The following SGCZ variants were observed in gnomAD, a reference collection of about 807,000 sequenced individuals.
SGCZ encodes the protein zeta-sarcoglycan.
Under a neutral mutation model 41.3 loss-of-function variants are expected in SGCZ, and 40 were observed. The ratio of observed to expected loss-of-function variants is 0.97; its 90% CI spans 0.75 to 1.26. The LOEUF (loss-of-function observed/expected upper bound fraction) is 1.26, where lower values mean the gene tolerates loss of function less well. Ranked by LOEUF, SGCZ falls within the 50% of genes most tolerant of loss-of-function variation. The probability of loss-of-function intolerance (pLI) is 0.00; values close to 1 mark genes in which losing one functional copy is unlikely to be tolerated. For missense variants in SGCZ, 552 were observed against 369.8 expected (o/e 1.49, Z -4.04); for synonymous variants, 206 against 137.5 (o/e 1.50, Z -3.49).
intron 3 of SGCZ, among the ~76,000 whole-genome samples, chr8:14,318,857 A>G (rs1440430111): frequency 6.6e-6 from 1 of 151,930 alleles, no homozygotes; most frequent in African/African-American, 2.4e-5. Flanking sequence ...TTTTAATAAA[A>G]CCAAACTCAT....
rs10604213 is a variant in SGCZ at position 14,854,021 on chromosome 8, T to TTATATATATATATA, written c.40-299109_40-299096dup. 2.5e-3 allele frequency among the ~76,000 whole-genome samples: 265 copies of TTATATATATATATA among 107,622 alleles called. 1 individual carries two copies. The highest frequency in any genetic ancestry group is 3.8e-3 in the Non-Finnish European group (190 of 50,270). 70.6% of individuals were successfully genotyped at this position (107,622 alleles called of 152,430 possible). A position where few individuals can be genotyped will look rare whatever the true frequency, so the allele number is the denominator to read the frequency against. ...CGACATCAGTTTCTATGTGATTATA[T>TTATATATATATATA]TATATATATATATATATATATATAT... On this transcript the variant is annotated intron_variant, in intron 1 of 7. Coordinates refer to ENST00000382080, the MANE Select transcript of SGCZ (RefSeq NM_139167.4).
At chr8:14,383,513 A>G (rs1804447753) in intron 2 of SGCZ, among the ~76,000 whole-genome samples, 1 of 152,238 alleles carries the variant, frequency 6.6e-6, no homozygotes, top group Non-Finnish European at 1.5e-5. Flanking sequence ...CGACTAGTAA[A>G]AAGACATGTA....
intron 1 of SGCZ, among the ~76,000 whole-genome samples, chr8:15,080,133 T>G (rs975864327): frequency 6.6e-6 from 1 of 152,172 alleles, no homozygotes. Context: ...CTGGACGAGA[T>G]ATTTGCAGTG....
intron 3 of SGCZ, among the ~76,000 whole-genome samples, chr8:14,249,188 A>C (rs7831589): frequency 6.6e-6 from 1 of 151,982 alleles, no homozygotes; most frequent in African/African-American, 2.4e-5. Flanking sequence ...GGCAGAATAC[A>C]AGAGAATTCA....
intron 1 of SGCZ, among the ~76,000 whole-genome samples, chr8:14,978,236 G>C (rs1247506397): frequency 3.4e-5 from 2 of 58,912 alleles, no homozygotes; most frequent in East Asian, 1.0e-3. Context: ...AGGAGGCTGA[G>C]GGGGGTGGAT....
chr8:14,439,750 C>G (rs1800194445), intron 2 of SGCZ, among the ~76,000 whole-genome samples: 1 of 151,764 alleles, frequency 6.6e-6, no homozygotes, highest in East Asian at 1.9e-4. Context: ...TCTTAGGAAA[C>G]AGAAATTGAG....
intron 1 of SGCZ, among the ~76,000 whole-genome samples, chr8:15,236,584 C>T (rs1395957108): frequency 6.6e-6 from 1 of 152,276 alleles, no homozygotes; most frequent in Non-Finnish European, 1.5e-5. Flanking sequence ...CCCCCTTTCC[C>T]GCTTTTTCGT....
intron 1 of SGCZ, among the ~76,000 whole-genome samples, chr8:15,001,849 A>G (rs1054643580): frequency 2.6e-5 from 4 of 152,224 alleles, no homozygotes; most frequent in African/African-American, 7.2e-5. Context: ...TGTAGAAATT[A>G]AGACCCAGAG....
intron 3 of SGCZ, among the ~76,000 whole-genome samples, chr8:14,278,763 A>T (rs1800319603): frequency 6.6e-6 from 1 of 152,148 alleles, no homozygotes; most frequent in Non-Finnish European, 1.5e-5. Flanking sequence ...GCAGCACTTC[A>T]TTAAGACCTC....
rs73535060 is a variant in SGCZ, at chr8:14,846,615, C to A, written c.40-291689G>T. Among the ~76,000 whole-genome samples the A allele has an allele frequency of 7.8e-3, 1,159 of 148,502 alleles. 16 individuals are homozygous for A. Among genetic ancestry groups the A allele is most frequent in the African/African-American group, 0.027 (1,085 of 40,064 alleles). On this transcript the variant is annotated intron_variant, in intron 1 of 7. Coordinates refer to ENST00000382080, the MANE Select transcript of SGCZ (RefSeq NM_139167.4). ...CAGATCTCTTTAAAAATACATACTA[C>A]TTAAAAATCCCTCCAGAAGAAATAG... is the stretch of plus-strand genomic sequence containing the variant.
intron 5 of SGCZ, among the ~76,000 whole-genome samples, chr8:14,159,497 G>A (rs540767975): frequency 6.6e-6 from 1 of 152,272 alleles, no homozygotes; most frequent in Non-Finnish European, 1.5e-5. Flanking sequence ...TTCACCTGGA[G>A]ACTTAAGGGG....
chr8:14,115,444 T>TA (rs947669572), intron 5 of SGCZ, among the ~76,000 whole-genome samples: 56 of 152,142 alleles, frequency 3.7e-4, no homozygotes, highest in African/African-American at 1.3e-3. Flanking sequence ...ATTACATTTT[T>TA]AAAAATTTTA....
At chr8:14,516,348 T>C (rs554828372) in intron 2 of SGCZ, among the ~76,000 whole-genome samples, 1 of 152,144 alleles carries the variant, frequency 6.6e-6, no homozygotes, top group East Asian at 1.9e-4. Context: ...TTCTTCGTGT[T>C]AATAAGTTCT....
At chr8:14,350,961 A>G (rs1803068745) in intron 2 of SGCZ, among the ~76,000 whole-genome samples, 1 of 152,182 alleles carries the variant, frequency 6.6e-6, no homozygotes, top group South Asian at 2.1e-4. Flanking sequence ...CGTGTTGGAT[A>G]AAACCTGAGG....
chr8:14,335,863 G>T (rs144601419), intron 2 of SGCZ, among the ~76,000 whole-genome samples: 4 of 152,074 alleles, frequency 2.6e-5, no homozygotes, highest in African/African-American at 9.6e-5. Context: ...ATTGCAGGCA[G>T]GTATACAACA....
intron 1 of SGCZ, among the ~76,000 whole-genome samples, chr8:14,956,164 C>T (rs998089835): frequency 2.6e-5 from 4 of 151,388 alleles, no homozygotes; most frequent in African/African-American, 4.9e-5. Context: ...TTCAGACTCC[C>T]GAGTATCTGG....
intron 1 of SGCZ, among the ~76,000 whole-genome samples, chr8:15,182,765 T>C (rs765225287): frequency 3.9e-5 from 6 of 152,258 alleles, no homozygotes; most frequent in Non-Finnish European, 8.8e-5. Flanking sequence ...AATTGTTTTA[T>C]CTTCAAAATA....
intron 2 of SGCZ, among the ~76,000 whole-genome samples, chr8:14,480,468 T>C (rs560530309): frequency 6.6e-6 from 1 of 152,146 alleles, no homozygotes; most frequent in Non-Finnish European, 1.5e-5. Flanking sequence ...TATTTCAATG[T>C]TTACCCTTTG....
intron 1 of SGCZ, among the ~76,000 whole-genome samples, chr8:15,159,699 T>A (rs930035037): frequency 7.4e-5 from 11 of 148,614 alleles, no homozygotes; most frequent in South Asian, 6.6e-4. Context: ...GAAGGTTTTT[T>A]TATTTTTTTT....
Sources: allele counts gnomAD v4.1 joint callset (sites outside exome capture counted in the v4.1 genomes callset), GRCh38; gene constraint gnomAD v4.1.1; transcripts MANE v1.5; gene names NCBI Gene and HGNC (gene_info 2026-07-23, HGNC 2026-07-21).